RAB10: variants seen among roughly 807,000 people sequenced by gnomAD.
The protein encoded by RAB10 is ras-related protein Rab-10.
In RAB10, 5 loss-of-function variants were observed where a neutral mutation model predicts 25.7. That is an observed-to-expected ratio of 0.19 (90% CI 0.10 to 0.41). The LOEUF (loss-of-function observed/expected upper bound fraction) is 0.41. Among genes scored for constraint, RAB10 ranks in the 10% least tolerant of loss-of-function variants. The pLI is 1.00. For synonymous variants in RAB10, 89 were observed against 86.4 expected, an observed-to-expected ratio of 1.03 and a Z score of -0.16; for missense variants, 103 against 245.8, an observed-to-expected ratio of 0.42 and a Z score of 3.89.
In RAB10 at chr2:26,135,969, C is replaced by A. The variant is rs1668104164; in HGVS notation, c.*948C>A. 6.6e-6 allele frequency: 1 copy of A among 152,602 alleles called. No individual in the cohort carries two copies. Among genetic ancestry groups the A allele is most frequent in the Admixed American group, 6.5e-5 (1 of 15,274 alleles). 9.5% of individuals were successfully genotyped at this position (152,602 alleles called of 1,614,324 possible). A position where few individuals can be genotyped will look rare whatever the true frequency, so the allele number is the denominator to read the frequency against. On this transcript the variant is annotated 3_prime_UTR_variant, in exon 6 of 6. Coordinates refer to ENST00000264710, the MANE Select transcript of RAB10 (RefSeq NM_016131.5). The stretch of plus-strand genomic sequence containing the variant: ...AATGTCAGTTAATTGGTGTCTTCCC[C>A]CCTCATTTGCTCTCTTCCCTAAAAT...
At chr2:26,067,958 GT>G (rs1473509446) in intron 1 of RAB10, among the ~76,000 whole-genome samples, 1 of 152,104 alleles carries the variant, frequency 6.6e-6, no homozygotes, top group Non-Finnish European at 1.5e-5. Context: ...TTGCTGGGGG[GT>G]TGATATATGT....
chr2:26,087,087 CTTT>C lies in RAB10; in HGVS notation c.128-11568_128-11566del, dbSNP rs535104782. On this transcript the variant is annotated intron_variant, in intron 1 of 5. Transcript: ENST00000264710. ...TTATGAATTGTTCACTTTATTTTTT[CTTT>C]TTTTTTGTTCGCTTTAAAGTGGTCA... is the stretch of plus-strand genomic sequence containing the variant. Among the ~76,000 whole-genome samples the C allele has an allele frequency of 3.4e-4, 51 of 150,898 alleles. 1 individual carries two copies. Among genetic ancestry groups the C allele is most frequent in the Admixed American group, 7.3e-4 (11 of 15,148 alleles).
chr2:26,114,732 A>G (rs2149285452), intron 3 of RAB10, among the ~76,000 whole-genome samples: 1 of 149,424 alleles, frequency 6.7e-6, no homozygotes, highest in East Asian at 2.0e-4. Context: ...CTCTACAAAA[A>G]TATACAAAAA....
At chr2:26,049,775 A>G (rs1007326080) in intron 1 of RAB10, among the ~76,000 whole-genome samples, 2 of 152,210 alleles carry the variant, frequency 1.3e-5, no homozygotes, top group Admixed American at 1.3e-4. Context: ...TGCAGTGGTT[A>G]CATTACTATG....
rs1424714569 is a variant in RAB10 at position 26,137,101 on chromosome 2, C to T, written c.*2080C>T. Reference sequence around the variant, plus strand: ...GCTAAACACTGGGATTTTTGGATAACAGACTGACAGTTTTGCATAATTATA... The same window carrying T: ...GCTAAACACTGGGATTTTTGGATAATAGACTGACAGTTTTGCATAATTATA... On this transcript the variant is annotated 3_prime_UTR_variant, in exon 6 of 6. Transcript: ENST00000264710. 1 of 152,624 alleles carries T rather than the reference C, an allele frequency of 6.6e-6. No homozygotes were observed. Among genetic ancestry groups the T allele is most frequent in the Non-Finnish European group, 1.5e-5 (1 of 68,040 alleles). 9.5% of individuals were successfully genotyped at this position (152,624 alleles called of 1,614,324 possible).
At chr2:26,050,955 G>A (rs1347227561) in intron 1 of RAB10, among the ~76,000 whole-genome samples, 1 of 151,428 alleles carries the variant, frequency 6.6e-6, no homozygotes, top group African/African-American at 2.4e-5. Flanking sequence ...GTCTTGCTCT[G>A]TCTCCCAGGC....
At chr2:26,090,760 C>T (rs1462408073) in intron 1 of RAB10, among the ~76,000 whole-genome samples, 4 of 151,920 alleles carry the variant, frequency 2.6e-5, no homozygotes, top group Middle Eastern at 3.4e-3. Context: ...ATAGTGAAAC[C>T]CCCTCTCTAC....
In RAB10 at chr2:26,059,702, T is replaced by C. The variant is rs143951353; in HGVS notation, c.127+24967T>C. ...CATGTTATAACAGCACTATTCACAA[T>C]AGCCAAGAGGTGGAGACAACTTAAC... On this transcript the variant is annotated intron_variant, in intron 1 of 5. Transcript: ENST00000264710. 3.7e-4 allele frequency among the ~76,000 whole-genome samples: 57 copies of C among 152,260 alleles called. No individual in the cohort carries two copies. In the Middle Eastern group the frequency reaches 0.01, roughly 27 times the overall value.
intron 1 of RAB10, among the ~76,000 whole-genome samples, chr2:26,094,528 A>G (rs1262787291): frequency 2.0e-5 from 3 of 151,976 alleles, no homozygotes; most frequent in African/African-American, 7.2e-5. Flanking sequence ...CTGGGATTAC[A>G]GGCGTGAGCC....
intron 1 of RAB10, among the ~76,000 whole-genome samples, chr2:26,055,953 G>A (rs145683543): frequency 7.3e-5 from 11 of 151,696 alleles, no homozygotes; most frequent in African/African-American, 2.4e-4. Context: ...TGAGCGCAGT[G>A]GCACAATCAC....
chr2:26,119,476 T>G (rs994068396), intron 3 of RAB10, among the ~76,000 whole-genome samples: 1 of 152,140 alleles, frequency 6.6e-6, no homozygotes, highest in African/African-American at 2.4e-5. Context: ...TTTTTGTGTT[T>G]TGTTATTCAA....
At chr2:26,056,214 T>G (rs1334897052) in intron 1 of RAB10, among the ~76,000 whole-genome samples, 1 of 152,082 alleles carries the variant, frequency 6.6e-6, no homozygotes, top group Non-Finnish European at 1.5e-5. Flanking sequence ...TTTTTCCTTT[T>G]TTTGAGATGG....
rs142984614 is a variant in RAB10 at position 26,092,931 on chromosome 2, G to A, written c.128-5731G>A. ...AATGACCCTTTTTTCTTTTGATTGT[G>A]TATGAGAAACATAATGGGGCAAGCT... On this transcript the variant is annotated intron_variant, in intron 1 of 5. Transcript: ENST00000264710. Among the ~76,000 whole-genome samples, 832 of 152,194 alleles carry A rather than the reference G, an allele frequency of 5.5e-3. 5 individuals carry two copies. Among genetic ancestry groups the A allele is most frequent in the African/African-American group, 0.019 (806 of 41,506 alleles).
chr2:26,094,569 A>G (rs920837693), intron 1 of RAB10, among the ~76,000 whole-genome samples: 1 of 138,316 alleles, frequency 7.2e-6, no homozygotes, highest in African/African-American at 2.8e-5. Context: ...TTTATTATGT[A>G]TTTTTTTGAG....
intron 1 of RAB10, among the ~76,000 whole-genome samples, chr2:26,062,244 A>G (rs563230383): frequency 2.9e-4 from 44 of 152,370 alleles, no homozygotes; most frequent in South Asian, 1.0e-3. Flanking sequence ...TATAAATACT[A>G]TAATCCTTCA....
chr2:26,070,468 G>A lies in RAB10; in HGVS notation c.128-28194G>A, dbSNP rs565510193. ...TTATTCTCGGAATTGAGTTTTGTTC[G>A]TTTCATCATACTTAAAATAGTTTAA... On this transcript the variant is annotated intron_variant, in intron 1 of 5. Coordinates refer to ENST00000264710, the MANE Select transcript of RAB10 (RefSeq NM_016131.5). Among the ~76,000 whole-genome samples, 73 of 152,120 alleles carry A rather than the reference G, an allele frequency of 4.8e-4. 2 individuals are homozygous for A. The South Asian group carries it at 0.013, about 26-fold the overall frequency.
intron 1 of RAB10, among the ~76,000 whole-genome samples, chr2:26,072,501 A>G (rs931335063): frequency 6.6e-6 from 1 of 152,078 alleles, no homozygotes; most frequent in Non-Finnish European, 1.5e-5. Flanking sequence ...CCTTGCAACT[A>G]ATGTTTAAGA....
At chr2:26,124,446 C>T (rs1368017968) in intron 3 of RAB10, among the ~76,000 whole-genome samples, 1 of 91,346 alleles carries the variant, frequency 1.1e-5, no homozygotes, top group Non-Finnish European at 2.0e-5. Flanking sequence ...GTTGCCCTGG[C>T]TGGAGTGCAG....
In RAB10 at chr2:26,034,405, C is replaced by T. The variant is rs1187562642; in HGVS notation, c.-204C>T. 5 of 651,814 alleles carry T rather than the reference C, an allele frequency of 7.7e-6. No individual in the cohort carries two copies. The highest frequency in any genetic ancestry group is 2.0e-5 in the South Asian group (1 of 49,514). 40.4% of individuals were successfully genotyped at this position (651,814 alleles called of 1,614,324 possible). A position where few individuals can be genotyped will look rare whatever the true frequency, so the allele number is the denominator to read the frequency against. ...CGGGCTGGGAGAGGCTGCGGAGCCG[C>T]GGTCGCCGCCCTCGGAGGCACTGGA... On this transcript the variant is annotated 5_prime_UTR_variant, in exon 1 of 6. Coordinates refer to ENST00000264710, the MANE Select transcript of RAB10 (RefSeq NM_016131.5).
Sources: allele counts gnomAD v4.1 joint callset (sites outside exome capture counted in the v4.1 genomes callset), GRCh38; gene constraint gnomAD v4.1.1; transcripts MANE v1.5; gene names NCBI Gene and HGNC (gene_info 2026-07-23, HGNC 2026-07-21).